The following TACC1 variants were observed in gnomAD, a reference collection of about 807,000 sequenced individuals.
The protein encoded by TACC1 is transforming acidic coiled-coil-containing protein 1.
In TACC1, 48 loss-of-function variants were observed where a neutral mutation model predicts 84.4. The observed-to-expected ratio is 0.57, with a 90% CI of 0.45 to 0.72. The LOEUF (loss-of-function observed/expected upper bound fraction) is 0.72, where lower values mean the gene tolerates loss of function less well. Ranked by LOEUF, TACC1 falls within the 30% of genes least tolerant of loss-of-function variation. TACC1 has a pLI of 0.00. For missense variants in TACC1, 920 were observed against 973.0 expected (o/e 0.95, Z 0.72); for synonymous variants, 372 against 376.3 (o/e 0.99, Z 0.13).
At chr8:38,773,593 T>TCTAG (rs1563381984) in intron 3 of TACC1, among the ~76,000 whole-genome samples, 50 of 113,438 alleles carry the variant, frequency 4.4e-4, no homozygotes, top group African/African-American at 1.3e-3. Flanking sequence ...TATCTAGCTA[T>TCTAG]CTATCTATCT....
At chr8:38,828,796 A>T (rs1828665960) in intron 5 of TACC1, among the ~76,000 whole-genome samples, 1 of 152,210 alleles carries the variant, frequency 6.6e-6, no homozygotes, top group Non-Finnish European at 1.5e-5. Flanking sequence ...GTGTGTTCTG[A>T]ACCTCATCAT....
At chr8:38,803,719 GT>G (rs1010497162) in intron 2 of TACC1, among the ~76,000 whole-genome samples, 1 of 151,658 alleles carries the variant, frequency 6.6e-6, no homozygotes, top group African/African-American at 2.4e-5. Flanking sequence ...CTGGTCTGTA[GT>G]TTTTTTTTCC....
chr8:38,770,305 C>A (rs1205206267), intron 3 of TACC1, among the ~76,000 whole-genome samples: 2 of 152,100 alleles, frequency 1.3e-5, no homozygotes, highest in Non-Finnish European at 2.9e-5. Flanking sequence ...TAGCAGTATG[C>A]AGACCTCTCC....
chr8:38,764,406 A>G (rs1294206781), intron 3 of TACC1, among the ~76,000 whole-genome samples: 1 of 147,052 alleles, frequency 6.8e-6, no homozygotes, highest in East Asian at 2.0e-4. Flanking sequence ...GCTGGGCACT[A>G]TCATTTTAAA....
upstream of TACC1, chr8:38,785,880 C>G (rs1307646485): frequency 4.3e-6 from 1 of 233,086 alleles, no homozygotes; most frequent in African/African-American, 2.3e-5. Flanking sequence ...AATTCGAAAG[C>G]ATCCTGACAC....
intron 8 of TACC1, chr8:38,839,849 G>T (rs1015634419): frequency 1.2e-5 from 2 of 164,426 alleles, no homozygotes; most frequent in Non-Finnish European, 1.3e-5. Flanking sequence ...AAGTCAGATC[G>T]CATCTGTTAG....
intron 6 of TACC1, among the ~76,000 whole-genome samples, chr8:38,831,809 CTTTTT>C (rs34500240): frequency 2.1e-5 from 3 of 142,474 alleles, no homozygotes; most frequent in African/African-American, 7.8e-5. Flanking sequence ...TTACTCAGTT[CTTTTT>C]TTTTTTTTTG....
intron 3 of TACC1, among the ~76,000 whole-genome samples, chr8:38,755,812 CATT>C (rs10680579): frequency 6.7e-6 from 1 of 149,926 alleles, no homozygotes; most frequent in Admixed American, 6.7e-5. Context: ...GTGAAGAGAT[CATT>C]ATTATTATTA....
intron 3 of TACC1, among the ~76,000 whole-genome samples, chr8:38,767,049 C>T (rs112310505): frequency 7.8e-5 from 11 of 140,800 alleles, no homozygotes; most frequent in Non-Finnish European, 1.1e-4. Flanking sequence ...TACACAGAGC[C>T]GACAGAAGAC....
intron 8 of TACC1, chr8:38,839,854 T>C (rs1830879851): frequency 6.0e-6 from 1 of 166,698 alleles, no homozygotes; most frequent in Non-Finnish European, 1.3e-5. Flanking sequence ...AGATCGCATC[T>C]GTTAGGAAGA....
intron 2 of TACC1, among the ~76,000 whole-genome samples, chr8:38,806,799 A>G (rs758736658): frequency 2.0e-5 from 3 of 152,128 alleles, no homozygotes; most frequent in Non-Finnish European, 4.4e-5. Flanking sequence ...TCAAAAACTC[A>G]GTTCTATTCT....
chr8:38,756,160 G>A (rs992422960), intron 3 of TACC1, among the ~76,000 whole-genome samples: 7 of 151,984 alleles, frequency 4.6e-5, no homozygotes, highest in Non-Finnish European at 7.3e-5. Flanking sequence ...TTCGTTAGCA[G>A]AGTTAACAAG....
At chr8:38,742,259 A>C in intron 1 of TACC1, 2 of 495,032 alleles carry the variant, frequency 4.0e-6, no homozygotes, top group Non-Finnish European at 6.7e-6. Context: ...GAATTTCTGA[A>C]AGTGAGCCTT....
chr8:38,749,983 A>G (rs1808746545), intron 3 of TACC1, among the ~76,000 whole-genome samples: 1 of 152,226 alleles, frequency 6.6e-6, no homozygotes, highest in Admixed American at 6.5e-5. Flanking sequence ...GGTGCAATGT[A>G]GCTAACATAG....
chr8:38,751,140 G>A (rs940114419), intron 3 of TACC1, among the ~76,000 whole-genome samples: 2 of 152,076 alleles, frequency 1.3e-5, no homozygotes, highest in Non-Finnish European at 2.9e-5. Context: ...AGATAAGCAT[G>A]TGACTTCCCA....
Position 38,787,442 on chromosome 8 carries a change from G to C in TACC1, c.-141G>C, listed in dbSNP as rs1263130421. On this transcript the variant is annotated 5_prime_UTR_variant, in exon 1 of 13. Transcript: ENST00000317827. ...GAAGCGCTCCACCAGGGCCCCCGACGGCACTCGTTTAACCACATCCGCGCC... is the reference window on the plus strand; with the variant it reads ...GAAGCGCTCCACCAGGGCCCCCGACCGCACTCGTTTAACCACATCCGCGCC... The C allele has an allele frequency of 7.4e-7, 1 of 1,354,264 alleles. No individual in the cohort carries two copies. Among genetic ancestry groups the C allele is most frequent in the Non-Finnish European group, 9.4e-7 (1 of 1,059,002 alleles). The allele number at this position is 1,354,264 out of a possible 1,614,324, so 83.9% of individuals were successfully genotyped here.
At chr8:38,801,842 A>G (rs913934619) in intron 2 of TACC1, among the ~76,000 whole-genome samples, 1 of 152,238 alleles carries the variant, frequency 6.6e-6, no homozygotes, top group East Asian at 1.9e-4. Context: ...AAATCTTCCA[A>G]TTCATGAACA....
At chr8:38,785,314 C>T (rs896630487), upstream of TACC1, among the ~76,000 whole-genome samples, 1 of 152,170 alleles carries the variant, frequency 6.6e-6, no homozygotes, top group African/African-American at 2.4e-5. Flanking sequence ...ACTCTGCTGG[C>T]AATTTGGATT....
At chr8:38,732,020 G>A (rs1285605165) in intron 1 of TACC1, among the ~76,000 whole-genome samples, 1 of 152,204 alleles carries the variant, frequency 6.6e-6, no homozygotes. Context: ...GCTGAGGCAG[G>A]AGAATTGCTT....
Sources: gnomAD v4.1 joint callset for allele counts (sites outside exome capture counted in the v4.1 genomes callset) on GRCh38, gnomAD v4.1.1 for gene constraint, MANE v1.5 for transcripts, NCBI Gene and HGNC (gene_info 2026-07-23, HGNC 2026-07-21) for gene names.